PREX2: variants seen among roughly 807,000 people sequenced by gnomAD.
PREX2 encodes phosphatidylinositol 3,4,5-trisphosphate-dependent Rac exchanger 2 protein.
PREX2 carries 107 observed loss-of-function variants against 203.2 expected under a neutral mutation model. That is an observed-to-expected ratio of 0.53 (90% CI 0.45 to 0.62). The LOEUF (loss-of-function observed/expected upper bound fraction) is 0.62. Among genes scored for constraint, PREX2 ranks in the 20% least tolerant of loss-of-function variants. The pLI, the probability that PREX2 is intolerant of heterozygous loss-of-function variation, is 0.00. For missense variants in PREX2, 1,777 were observed against 1,955.9 expected (o/e 0.91, Z 1.72); for synonymous variants, 672 against 663.6 (o/e 1.01, Z -0.19).
intron 34 of PREX2, among the ~76,000 whole-genome samples, chr8:68,149,923 C>T (rs1009663334): frequency 2.4e-4 from 37 of 152,210 alleles, no homozygotes; most frequent in African/African-American, 8.2e-4. Flanking sequence ...TACAAATGTT[C>T]AGCATGTCTA....
Position 68,235,067 on chromosome 8 carries a change from A to C in PREX2, c.*3689A>C, listed in dbSNP as rs1254992165. The C allele has an allele frequency of 6.6e-6, 1 of 152,154 alleles. No homozygotes were observed. Among genetic ancestry groups the C allele is most frequent in the African/African-American group, 2.4e-5 (1 of 41,450 alleles). 9.4% of individuals were successfully genotyped at this position (152,154 alleles called of 1,614,324 possible). On this transcript the variant is annotated 3_prime_UTR_variant, in exon 40 of 40. Transcript: ENST00000288368. Reference sequence around the variant, plus strand: ...AGCATTTATTGATTTGGAAGTGTTCAATTGAGAGTAAATGACTCTGTGTTT... The same window carrying C: ...AGCATTTATTGATTTGGAAGTGTTCCATTGAGAGTAAATGACTCTGTGTTT...
intron 34 of PREX2, among the ~76,000 whole-genome samples, chr8:68,151,731 T>C (rs934247761): frequency 2.0e-5 from 3 of 151,868 alleles, no homozygotes; most frequent in African/African-American, 7.3e-5. Context: ...GTGATGCTGG[T>C]CTTTTCTCTG....
chr8:68,112,992 AAGG>A (rs1428102858), intron 25 of PREX2, among the ~76,000 whole-genome samples: 1 of 152,212 alleles, frequency 6.6e-6, no homozygotes, highest in Non-Finnish European at 1.5e-5. Context: ...TCAATGGCAC[AAGG>A]AGAAGATTCA....
At position 68,234,486 on chromosome 8, in the gene PREX2, T is replaced by C. The variant is rs1223464353; in HGVS notation, c.*3108T>C. On this transcript the variant is annotated 3_prime_UTR_variant, in exon 40 of 40. Transcript: ENST00000288368. ...ACTTTTTAAGCATTCTATTATCTCCTATAATTTTTTCTAATATTAATTCCA... is the reference window on the plus strand; with the variant it reads ...ACTTTTTAAGCATTCTATTATCTCCCATAATTTTTTCTAATATTAATTCCA... 6.6e-6 allele frequency: 1 copy of C among 152,172 alleles called. No individual in the cohort carries two copies. Among genetic ancestry groups the C allele is most frequent in the Non-Finnish European group, 1.5e-5 (1 of 68,026 alleles). 9.4% of individuals were successfully genotyped at this position (152,172 alleles called of 1,614,324 possible).
At chr8:68,211,275 G>A (rs894320423) in intron 37 of PREX2, among the ~76,000 whole-genome samples, 1 of 151,962 alleles carries the variant, frequency 6.6e-6, no homozygotes, top group Admixed American at 6.6e-5. Context: ...AACAAATATT[G>A]GCATACATTT....
At position 68,120,224 on chromosome 8, in the gene PREX2, G is replaced by T; in HGVS notation, c.3533G>T (p.Gly1178Val). The change falls in exon 29 of 40, where the codon GGG (glycine) becomes GTG (valine). Residue 1178 changes from glycine (G) to valine (V), a missense_variant. Transcript: ENST00000288368. ...QVDSITNLLK[G>V]QAVVRAFDQT... ...GATTCAATTACCAATCTCCTAAAAGGGCAGGCTGTTGTGAGGGCCTTTGAC... is the reference window on the plus strand; with the variant it reads ...GATTCAATTACCAATCTCCTAAAAGTGCAGGCTGTTGTGAGGGCCTTTGAC... 1 of 1,613,474 alleles carries T rather than the reference G, an allele frequency of 6.2e-7. No individual in the cohort carries two copies. Among genetic ancestry groups the T allele is most frequent in the Non-Finnish European group, 8.5e-7 (1 of 1,179,534 alleles).
chr8:68,105,370 C>T, intron 23 of PREX2: 1 of 1,362,792 alleles, frequency 7.3e-7, no homozygotes, highest in African/African-American at 1.5e-5. Flanking sequence ...TGATTCTTAC[C>T]CTTTGGAACA....
At chr8:68,032,863 C>G (rs16934020) in intron 6 of PREX2, among the ~76,000 whole-genome samples, 22,752 of 152,046 alleles carry the variant, frequency 0.15, 1,999 homozygotes, top group African/African-American at 0.24. Context: ...AAGTTTTTGA[C>G]GTTAGGAGTC....
At chr8:68,171,723 A>G (rs1178481063) in intron 35 of PREX2, among the ~76,000 whole-genome samples, 1 of 152,186 alleles carries the variant, frequency 6.6e-6, no homozygotes, top group Non-Finnish European at 1.5e-5. Context: ...AACAGTATAT[A>G]GAAATAGAAG....
intron 35 of PREX2, among the ~76,000 whole-genome samples, chr8:68,177,715 T>C (rs1268260494): frequency 1.3e-5 from 2 of 152,222 alleles, no homozygotes; most frequent in Non-Finnish European, 1.5e-5. Context: ...GGTGGTTTAC[T>C]GTACAGATCA....
intron 35 of PREX2, among the ~76,000 whole-genome samples, chr8:68,180,021 C>T (rs1812054976): frequency 6.6e-6 from 1 of 152,020 alleles, no homozygotes; most frequent in African/African-American, 2.4e-5. Context: ...TTTTCTCCTC[C>T]TCTGTTTTCT....
chr8:68,080,460 T>A lies in PREX2; in HGVS notation c.1660T>A (p.Phe554Ile), dbSNP rs778502021. The A allele has an allele frequency of 1.6e-5, 26 of 1,611,652 alleles. No individual in the cohort carries two copies. Among genetic ancestry groups the A allele is most frequent in the Non-Finnish European group, 2.0e-5 (24 of 1,179,446 alleles). Residue 554 changes from phenylalanine (F) to isoleucine (I), a missense_variant, in exon 16 of 40, where the codon TTC becomes ATC. Coordinates refer to ENST00000288368, the MANE Select transcript of PREX2 (RefSeq NM_024870.4). ...FMHHVLEKSE[F>I]KDEPLLFRFF... ...TTCTGTAGTCCTTGAAAAAAGCGAA[T>A]TCAAAGATGAACCCCTACTTTTCCG... is the stretch of plus-strand genomic sequence containing the variant.
rs1805679529 is a variant in PREX2 at position 67,963,245 on chromosome 8, G to A, written c.141+10710G>A. 2.6e-5 allele frequency among the ~76,000 whole-genome samples: 4 copies of A among 152,250 alleles called. No individual in the cohort carries two copies. In the South Asian group the frequency reaches 8.3e-4, roughly 32 times the overall value. ...TCCCTCTTCTCCCTGGCTGGTATGAGGATGTGATGGCAGGTGATGGGGCAG... is the reference window on the plus strand; with the variant it reads ...TCCCTCTTCTCCCTGGCTGGTATGAAGATGTGATGGCAGGTGATGGGGCAG... On this transcript the variant is annotated intron_variant, in intron 1 of 39. Transcript: ENST00000288368.
chr8:68,030,564 T>C lies in PREX2; in HGVS notation c.611T>C (p.Met204Thr), dbSNP rs1367327463. 1.9e-6 allele frequency: 3 copies of C among 1,613,598 alleles called. No individual in the cohort carries two copies. The highest frequency in any genetic ancestry group is 1.3e-5 in the African/African-American group (1 of 74,888). The change falls in exon 6 of 40, where the codon ATG becomes ACG. Residue 204 changes from methionine to threonine, a missense_variant. By Grantham distance (81) the Met-to-Thr change is moderately conservative. Coordinates refer to ENST00000288368, the MANE Select transcript of PREX2 (RefSeq NM_024870.4). The part of the protein sequence containing the change: ...YAAVMEALQA[M>T]KAVCSNINEA... ...GCAGTGATGGAAGCCCTCCAAGCCA[T>C]GAAAGCTGTCTGTTCCAACATAAAC... is the stretch of plus-strand genomic sequence containing the variant.
At chr8:68,084,008 CTAAAGTTTT>C (rs1047890460) in intron 18 of PREX2, among the ~76,000 whole-genome samples, 25 of 152,174 alleles carry the variant, frequency 1.6e-4, no homozygotes, top group African/African-American at 6.0e-4. Flanking sequence ...TAAGTATTAA[CTAAAGTTTT>C]TAAAGTATTG....
chr8:68,083,872 A>G (rs1809604761), intron 18 of PREX2, among the ~76,000 whole-genome samples: 1 of 151,188 alleles, frequency 6.6e-6, no homozygotes, highest in Non-Finnish European at 1.5e-5. Context: ...TCTATTAACT[A>G]TCTACCTATG....
chr8:68,053,273 C>G, intron 9 of PREX2, 27 bp downstream of exon 9: 3 of 1,610,942 alleles, frequency 1.9e-6, no homozygotes, highest in Non-Finnish European at 2.5e-6. Context: ...GGCGCTGTTA[C>G]ACTTTGTGAA....
rs1489366100 is a variant in PREX2, at chr8:67,976,452, G to A, written c.141+23917G>A. 9.1e-4 allele frequency among the ~76,000 whole-genome samples: 127 copies of A among 139,846 alleles called. 1 individual carries two copies. Among genetic ancestry groups the A allele is most frequent in the African/African-American group, 2.9e-3 (111 of 37,630 alleles). 91.7% of individuals were successfully genotyped at this position (139,846 alleles called of 152,430 possible). A position where few individuals can be genotyped will look rare whatever the true frequency, so the allele number is the denominator to read the frequency against. ...GAGAGAGAGATGGGAGAGAGACAGA[G>A]AGAGAGAGAGAGACAGAGACAGAGA... On this transcript the variant is annotated intron_variant, in intron 1 of 39. Transcript: ENST00000288368.
intron 37 of PREX2, among the ~76,000 whole-genome samples, chr8:68,194,628 TAA>T (rs58657916): frequency 0.043 from 6,024 of 139,354 alleles, 170 homozygotes; most frequent in Non-Finnish European, 0.063. Context: ...TCATCTCTAC[TAA>T]AAAAAAAAAA....
Sources: gnomAD v4.1 joint callset for allele counts (sites outside exome capture counted in the v4.1 genomes callset) on GRCh38, gnomAD v4.1.1 for gene constraint, MANE v1.5 for transcripts, NCBI Gene and HGNC (gene_info 2026-07-23, HGNC 2026-07-21) for gene names.